Variants in LMO7 observed in about 807,000 individuals in gnomAD.
The protein encoded by LMO7 is LIM domain only protein 7.
A neutral mutation model predicts 206.5 loss-of-function variants in LMO7; 120 were observed. That is an observed-to-expected ratio of 0.58 (90% confidence interval 0.50 to 0.68). The LOEUF is 0.68. LMO7 is among the 30% of genes least tolerant of loss of function. The probability of loss-of-function intolerance (pLI) is 0.00; values close to 1 mark genes in which losing one functional copy is unlikely to be tolerated. For missense variants in LMO7, 1,959 were observed against 1,957.9 expected (o/e 1.00, Z -0.01); for synonymous variants, 706 against 681.5 (o/e 1.04, Z -0.56).
At chr13:75,658,643 G>C (rs1246107271) in intron 1 of LMO7, among the ~76,000 whole-genome samples, 2 of 152,102 alleles carry the variant, frequency 1.3e-5, no homozygotes, top group Non-Finnish European at 2.9e-5. Context: ...GAGTGCAGTG[G>C]CGCGATCTCG....
At chr13:75,842,949 T>A (rs780750243) in intron 25 of LMO7, 33 bp downstream of exon 25, 11 of 1,287,420 alleles carry the variant, frequency 8.5e-6, no homozygotes, top group Non-Finnish European at 1.0e-5. Context: ...ATTTAATTGA[T>A]GATAATGGCT....
At chr13:75,731,538 G>A (rs1265530671) in intron 3 of LMO7, among the ~76,000 whole-genome samples, 1 of 152,048 alleles carries the variant, frequency 6.6e-6, no homozygotes, top group East Asian at 1.9e-4. Flanking sequence ...CATGTGAGAT[G>A]GGTTTCCTGA....
At chr13:75,776,261 G>A (rs1227123504) in intron 4 of LMO7, among the ~76,000 whole-genome samples, 1 of 134,664 alleles carries the variant, frequency 7.4e-6, no homozygotes, top group Non-Finnish European at 1.6e-5. Context: ...TTTGAAGTTA[G>A]TTCATTCATA....
chr13:75,724,107 T>C (rs1387953662), intron 2 of LMO7, among the ~76,000 whole-genome samples: 1 of 152,106 alleles, frequency 6.6e-6, no homozygotes, highest in Non-Finnish European at 1.5e-5. Context: ...CTTTCAGGGT[T>C]AGGATTTCAA....
At chr13:75,724,614 A>G (rs183079929) in intron 2 of LMO7, among the ~76,000 whole-genome samples, 79 of 152,310 alleles carry the variant, frequency 5.2e-4, no homozygotes, top group Non-Finnish European at 9.9e-4. Context: ...ACATAAGGCT[A>G]TGCCCCTAAT....
At chr13:75,766,237 CT>C (rs10604656) in intron 4 of LMO7, among the ~76,000 whole-genome samples, 32,241 of 125,868 alleles carry the variant, frequency 0.26, 3,955 homozygotes, top group South Asian at 0.36. Context: ...TTCCCTCAGT[CT>C]TTTTTTTTTT....
At chr13:75,702,102 T>TC (rs1444500030) in intron 1 of LMO7, among the ~76,000 whole-genome samples, 1 of 152,204 alleles carries the variant, frequency 6.6e-6, no homozygotes. Flanking sequence ...TTAAACTTAT[T>TC]CTTTTTTTTT....
At chr13:75,789,848 C>T (rs1202336238) in intron 4 of LMO7, among the ~76,000 whole-genome samples, 2 of 152,154 alleles carry the variant, frequency 1.3e-5, no homozygotes, top group South Asian at 2.1e-4. Flanking sequence ...ATAATCTCAT[C>T]CATTAGCACC....
Position 75,841,147 on chromosome 13 carries a change from G to T in LMO7, c.3621G>T (p.Glu1207Asp), listed in dbSNP as rs143345605. ...YQREQEKLRE[E>D]WQRAKQEAER... ...GTGAGCAGGAGAAACTGAGGGAAGAGTGGCAAAGGGCCAAACAGGAGGCAG... is the reference window on the plus strand; with the variant it reads ...GTGAGCAGGAGAAACTGAGGGAAGATTGGCAAAGGGCCAAACAGGAGGCAG... Residue 1207 changes from glutamate to aspartate, a missense_variant, in exon 23 of 31, where the codon GAG becomes GAT. Transcript: ENST00000377534. 2,792 of 1,613,446 alleles carry T rather than the reference G, an allele frequency of 1.7e-3. 3 individuals are homozygous for T. Among genetic ancestry groups the T allele is most frequent in the Non-Finnish European group, 2.2e-3 (2,624 of 1,179,430 alleles).
chr13:75,674,625 A>G (rs192648405), intron 1 of LMO7, among the ~76,000 whole-genome samples: 35 of 152,350 alleles, frequency 2.3e-4, no homozygotes, highest in Admixed American at 2.0e-3. Context: ...GGGGACATAA[A>G]ATGGAAGAAT....
chr13:75,792,914 G>C (rs2053504225), intron 4 of LMO7, among the ~76,000 whole-genome samples: 2 of 152,148 alleles, frequency 1.3e-5, no homozygotes, highest in African/African-American at 4.8e-5. Context: ...TCACAGAATA[G>C]GACATCCCTT....
At chr13:75,733,478 A>T (rs1191120965) in intron 3 of LMO7, among the ~76,000 whole-genome samples, 10 of 152,192 alleles carry the variant, frequency 6.6e-5, no homozygotes, top group Non-Finnish European at 1.2e-4. Context: ...AGCCCGTCGG[A>T]AAAGCACAGT....
At chr13:75,846,944 T>G (rs750294266) in intron 26 of LMO7, among the ~76,000 whole-genome samples, 5 of 151,248 alleles carry the variant, frequency 3.3e-5, no homozygotes, top group Non-Finnish European at 5.9e-5. Flanking sequence ...GGCAGGAGAA[T>G]TGCTTGAACC....
intron 1 of LMO7, among the ~76,000 whole-genome samples, chr13:75,682,818 C>T (rs922311764): frequency 1.3e-5 from 2 of 152,220 alleles, no homozygotes; most frequent in African/African-American, 4.8e-5. Flanking sequence ...CAATAAGAGC[C>T]TAATAAATGT....
chr13:75,730,465 A>G (rs9573644), intron 3 of LMO7, among the ~76,000 whole-genome samples: 64,704 of 151,584 alleles, frequency 0.43, 14,074 homozygotes, highest in East Asian at 0.61. Flanking sequence ...CTGTGGGATC[A>G]GTGGTGATAT....
At chr13:75,763,231 T>C (rs1328026970) in intron 4 of LMO7, among the ~76,000 whole-genome samples, 1 of 152,076 alleles carries the variant, frequency 6.6e-6, no homozygotes, top group Non-Finnish European at 1.5e-5. Context: ...ATCTAATGGG[T>C]CAGGGATGCT....
intron 1 of LMO7, among the ~76,000 whole-genome samples, chr13:75,704,304 T>C (rs1483877707): frequency 6.6e-6 from 1 of 152,204 alleles, no homozygotes; most frequent in Non-Finnish European, 1.5e-5. Context: ...TGTACCACAG[T>C]GGTTTCTAAC....
Position 75,836,424 on chromosome 13 carries a change from A to G in LMO7, c.3361A>G (p.Ile1121Val). 1 of 1,536,704 alleles carries G rather than the reference A, an allele frequency of 6.5e-7. No homozygotes were observed. Among genetic ancestry groups the G allele is most frequent in the Non-Finnish European group, 8.9e-7 (1 of 1,125,380 alleles). Residue 1121 changes from isoleucine to valine, a missense_variant, in exon 19 of 31, where the codon ATT (isoleucine) becomes GTT (valine). By Grantham distance (29) the Ile-to-Val change is conservative. Transcript: ENST00000377534. ...TATTGAATCCAAAGAAATCAATGGA[A>G]TTCATGATGAAAGCAATGCTTTTGA... Reference protein sequence around the residue: ...SNIESKEINGIHDESNAFESK... With the variant: ...SNIESKEINGVHDESNAFESK...
chr13:75,696,373 A>ACAAG (rs2139685297), intron 1 of LMO7, among the ~76,000 whole-genome samples: 1 of 152,192 alleles, frequency 6.6e-6, no homozygotes, highest in South Asian at 2.1e-4. Context: ...AAACAAACAA[A>ACAAG]CAAACAAACA....
Sources: gnomAD v4.1 joint callset for allele counts (sites outside exome capture counted in the v4.1 genomes callset) on GRCh38, gnomAD v4.1.1 for gene constraint, MANE v1.5 for transcripts, NCBI Gene and HGNC (gene_info 2026-07-23, HGNC 2026-07-21) for gene names.